Variants in TMED3 observed in about 807,000 individuals in gnomAD.
TMED3 encodes the protein transmembrane p24 trafficking protein 3.
Under a neutral mutation model 15.0 loss-of-function variants are expected in TMED3, and 9 were observed. The ratio of observed to expected loss-of-function variants is 0.60; its 90% CI spans 0.36 to 1.04. The LOEUF is 1.04. Among genes scored for constraint, TMED3 ranks in the 50% least tolerant of loss-of-function variants. TMED3 has a pLI of 0.01. For missense variants in TMED3, 267 were observed against 278.9 expected, an observed-to-expected ratio of 0.96 and a Z score of 0.30; for synonymous variants, 117 against 121.4, an observed-to-expected ratio of 0.96 and a Z score of 0.24.
At chr15:79,375,496 A>G (rs921309742) in intron 2 of TMED3, among the ~76,000 whole-genome samples, 1 of 152,176 alleles carries the variant, frequency 6.6e-6, no homozygotes, top group South Asian at 2.1e-4. Flanking sequence ...ATAAGAAAAT[A>G]GGTTTAATTG....
At chr15:79,313,736 C>A (rs747623315) in intron 1 of TMED3, 21 bp from the exon 2 acceptor site, 1 of 1,604,520 alleles carries the variant, frequency 6.2e-7, no homozygotes, top group Admixed American at 1.7e-5. Context: ...TTGATAACAG[C>A]AATTTTTTTA....
At chr15:79,360,342 T>C (rs955762218) in intron 2 of TMED3, among the ~76,000 whole-genome samples, 4 of 152,310 alleles carry the variant, frequency 2.6e-5, no homozygotes, top group Non-Finnish European at 4.4e-5. Context: ...TTCTGTGGGA[T>C]AGACTTGGTC....
intron 2 of TMED3, among the ~76,000 whole-genome samples, chr15:79,388,044 A>T (rs1567038347): frequency 6.6e-6 from 1 of 151,964 alleles, no homozygotes; most frequent in Non-Finnish European, 1.5e-5. Context: ...AAAATATAGG[A>T]TTTTTTTCCA....
exon 3 of TMED3, chr15:79,412,065 ACCACAC>A (rs1893991018): frequency 7.1e-6 from 1 of 140,566 alleles, no homozygotes; most frequent in African/African-American, 2.6e-5. Flanking sequence ...GTGCTGGCAA[ACCACAC>A]CATGTTTGCC....
intron 2 of TMED3, among the ~76,000 whole-genome samples, chr15:79,319,403 C>G (rs1372612982): frequency 6.6e-6 from 1 of 152,166 alleles, no homozygotes; most frequent in Non-Finnish European, 1.5e-5. Flanking sequence ...ATTAAGGATA[C>G]CCAATGAGGC....
chr15:79,328,136 T>TA (rs1308680957), intron 2 of TMED3, among the ~76,000 whole-genome samples: 2 of 152,144 alleles, frequency 1.3e-5, no homozygotes, highest in African/African-American at 4.8e-5. Context: ...AACAGTGGTT[T>TA]AAAAAAGTCA....
chr15:79,378,797 A>T (rs1221017993), intron 2 of TMED3, among the ~76,000 whole-genome samples: 3 of 152,238 alleles, frequency 2.0e-5, no homozygotes, highest in South Asian at 2.1e-4. Flanking sequence ...GCCAAAATGT[A>T]ATATGATTTA....
In TMED3 at chr15:79,311,173, C is replaced by T. The variant is rs973778816; in HGVS notation, c.-77C>T. 3.4e-6 allele frequency: 5 copies of T among 1,476,098 alleles called. No individual in the cohort carries two copies. In the African/African-American group the frequency reaches 4.2e-5, roughly 13 times the overall value. The allele number at this position is 1,476,098 out of a possible 1,614,324, so 91.4% of individuals were successfully genotyped here. A position where few individuals can be genotyped will look rare whatever the true frequency, so the allele number is the denominator to read the frequency against. ...TATCCCCTTACATCCTCCTAGGACCCGGTCGGTAGTCGTCGCCCCAGCCCG... is the reference window on the plus strand; with the variant it reads ...TATCCCCTTACATCCTCCTAGGACCTGGTCGGTAGTCGTCGCCCCAGCCCG... On this transcript the variant is annotated 5_prime_UTR_variant, in exon 1 of 3. Coordinates refer to ENST00000299705, the MANE Select transcript of TMED3 (RefSeq NM_007364.4).
intron 2 of TMED3, among the ~76,000 whole-genome samples, chr15:79,364,705 G>A (rs1195449575): frequency 6.6e-6 from 1 of 151,722 alleles, no homozygotes; most frequent in East Asian, 2.0e-4. Context: ...TCTGAACACC[G>A]AGAGGAGTTC....
intron 2 of TMED3, among the ~76,000 whole-genome samples, chr15:79,341,251 A>G (rs1037489578): frequency 1.3e-5 from 2 of 150,792 alleles, no homozygotes; most frequent in Admixed American, 1.3e-4. Context: ...GGGAAGAAAG[A>G]CAGCAGATGA....
At chr15:79,375,446 C>G (rs1036161269) in intron 2 of TMED3, among the ~76,000 whole-genome samples, 1 of 152,136 alleles carries the variant, frequency 6.6e-6, no homozygotes, top group African/African-American at 2.4e-5. Context: ...TTAATCCATT[C>G]TCACATTGCT....
chr15:79,355,279 T>A (rs1426498677), intron 2 of TMED3, among the ~76,000 whole-genome samples: 2 of 152,180 alleles, frequency 1.3e-5, no homozygotes, highest in African/African-American at 4.8e-5. Flanking sequence ...AGCTCACTTG[T>A]ATGATCACAG....
intron 2 of TMED3, among the ~76,000 whole-genome samples, chr15:79,319,914 AAAG>A (rs1380712160): frequency 6.6e-6 from 1 of 152,238 alleles, no homozygotes; most frequent in Admixed American, 6.5e-5. Context: ...ATGGAACATG[AAAG>A]AAGACTAGGA....
At chr15:79,353,204 T>A (rs1225863533) in intron 2 of TMED3, among the ~76,000 whole-genome samples, 2 of 81,402 alleles carry the variant, frequency 2.5e-5, no homozygotes, top group Non-Finnish European at 4.3e-5. Flanking sequence ...ATATATAAAA[T>A]ATATATTATA....
rs374914301 is a variant in TMED3, at chr15:79,378,418, C to G, written c.418-32982C>G. On this transcript the variant is annotated intron_variant, in intron 2 of 2. Coordinates refer to the TMED3 transcript ENST00000424155. ...CTGTCCAGTGATTCGGAGACTCAAG[C>G]CTCTTTTGATTTTATGGCTTCTCCA... is the stretch of plus-strand genomic sequence containing the variant. Among the ~76,000 whole-genome samples the G allele has an allele frequency of 3.9e-5, 6 of 152,266 alleles. No homozygotes were observed. The East Asian group carries it at 1.2e-3, about 29-fold the overall frequency.
At chr15:79,377,772 G>T (rs1325558009) in intron 2 of TMED3, among the ~76,000 whole-genome samples, 1 of 148,378 alleles carries the variant, frequency 6.7e-6, no homozygotes, top group Non-Finnish European at 1.5e-5. Context: ...TCAGCCTCCC[G>T]AGTAGCTGGG....
Position 79,347,218 on chromosome 15 carries a change from G to T in TMED3, c.417+33213G>T, listed in dbSNP as rs578092545. On this transcript the variant is annotated intron_variant, in intron 2 of 2. Coordinates refer to the TMED3 transcript ENST00000424155. Reference sequence around the variant, plus strand: ...GCTTTACCCCTAGGATGCAAGGTTTGTTCAACATATGCAAATCAATAAACA... The same window carrying T: ...GCTTTACCCCTAGGATGCAAGGTTTTTTCAACATATGCAAATCAATAAACA... Among the ~76,000 whole-genome samples, 8 of 152,242 alleles carry T rather than the reference G, an allele frequency of 5.3e-5. No individual in the cohort carries two copies. In the East Asian group the frequency reaches 1.2e-3, roughly 22 times the overall value.
chr15:79,386,572 C>T (rs1360255764), intron 2 of TMED3, among the ~76,000 whole-genome samples: 1 of 152,082 alleles, frequency 6.6e-6, no homozygotes, highest in Admixed American at 6.5e-5. Context: ...GATGGAGTCT[C>T]ACTGTTGCCC....
Position 79,313,858 on chromosome 15 carries a change from C to T in TMED3, c.270C>T (p.Tyr90=), listed in dbSNP as rs111777911. The change falls in exon 2 of 3, where the codon TAC becomes TAT. Residue 90 remains tyrosine, a synonymous_variant. Coordinates refer to ENST00000299705, the MANE Select transcript of TMED3 (RefSeq NM_007364.4). ...AGAAGCAGTACGACAGCTTCACGTA[C>T]CGGGCTGAAGTCAAGGGCGTTTATC... ...ETKKQYDSFT[Y]RAEVKGVYQF... 1 of 1,614,224 alleles carries T rather than the reference C, an allele frequency of 6.2e-7. No individual in the cohort carries two copies. Among genetic ancestry groups the T allele is most frequent in the Non-Finnish European group, 8.5e-7 (1 of 1,180,046 alleles).
Sources: allele counts gnomAD v4.1 joint callset (sites outside exome capture counted in the v4.1 genomes callset), GRCh38; gene constraint gnomAD v4.1.1; transcripts MANE v1.5; gene names NCBI Gene and HGNC (gene_info 2026-07-23, HGNC 2026-07-21).